Variants in ITGA9 observed in about 807,000 individuals in gnomAD.
ITGA9 encodes integrin alpha-9.
ITGA9 carries 56 observed loss-of-function variants against 127.8 expected under a neutral mutation model. That is an observed-to-expected ratio of 0.44 (90% confidence interval 0.35 to 0.55). ITGA9 has a LOEUF of 0.55. Among genes scored for constraint, ITGA9 ranks in the 20% least tolerant of loss-of-function variants. The pLI is 0.00. For synonymous variants in ITGA9, 508 were observed against 514.5 expected, an observed-to-expected ratio of 0.99 and a Z score of 0.17; for missense variants, 1,196 against 1,347.1, an observed-to-expected ratio of 0.89 and a Z score of 1.76.
At chr3:37,732,090 G>A (rs1231182186) in intron 18 of ITGA9, among the ~76,000 whole-genome samples, 1 of 152,164 alleles carries the variant, frequency 6.6e-6, no homozygotes, top group Non-Finnish European at 1.5e-5. Flanking sequence ...TGGAAGCCAT[G>A]TGCCCAGGTG....
intron 15 of ITGA9, among the ~76,000 whole-genome samples, chr3:37,627,486 G>C (rs115657359): frequency 0.04 from 6,122 of 152,290 alleles, 165 homozygotes; most frequent in Non-Finnish European, 0.06. Flanking sequence ...AGAAACACAA[G>C]CTTCTGTGGC....
intron 15 of ITGA9, among the ~76,000 whole-genome samples, chr3:37,555,825 CAGA>C (rs988325541): frequency 3.0e-4 from 45 of 152,296 alleles, no homozygotes; most frequent in Admixed American, 1.9e-3. Context: ...GGAAACAGAA[CAGA>C]AGAAGGTTGG....
intron 17 of ITGA9, among the ~76,000 whole-genome samples, chr3:37,661,253 G>A (rs1575184073): frequency 6.6e-6 from 1 of 152,336 alleles, no homozygotes; most frequent in East Asian, 1.9e-4. Flanking sequence ...TCAGACATGA[G>A]ATCTGGAGAC....
intron 4 of ITGA9, among the ~76,000 whole-genome samples, chr3:37,494,154 G>A (rs534309901): frequency 1.3e-5 from 2 of 152,172 alleles, no homozygotes; most frequent in African/African-American, 4.8e-5. Context: ...CACGTTTTCA[G>A]CTCCTTGGGC....
chr3:37,463,475 T>G (rs981508051), intron 1 of ITGA9, among the ~76,000 whole-genome samples: 4 of 152,178 alleles, frequency 2.6e-5, no homozygotes, highest in Admixed American at 1.3e-4. Context: ...GCTCCATATG[T>G]ATTTCATCCT....
chr3:37,744,158 G>A, intron 22 of ITGA9, 124 bp downstream of exon 22: 1 of 746,840 alleles, frequency 1.3e-6, no homozygotes, highest in South Asian at 1.4e-5. Context: ...GGTGTGGTGT[G>A]TGTGTGAGAT....
At chr3:37,790,216 G>T in intron 26 of ITGA9, 2 of 562,154 alleles carry the variant, frequency 3.6e-6, no homozygotes, top group South Asian at 2.8e-5. Context: ...CTGCGCGGAA[G>T]ACACAAGATC....
intron 18 of ITGA9, among the ~76,000 whole-genome samples, chr3:37,696,315 G>C (rs979027568): frequency 2.3e-4 from 35 of 152,204 alleles, no homozygotes; most frequent in Admixed American, 6.5e-4. Flanking sequence ...AGCAGAACTG[G>C]GGAAGGACTG....
intron 17 of ITGA9, among the ~76,000 whole-genome samples, chr3:37,672,424 G>A (rs2226455): frequency 6.6e-6 from 1 of 152,168 alleles, no homozygotes; most frequent in Admixed American, 6.5e-5. Context: ...ACGTGACTTT[G>A]CTTCTCATTC....
At chr3:37,793,535 C>G (rs761313612) in intron 26 of ITGA9, among the ~76,000 whole-genome samples, 2 of 151,774 alleles carry the variant, frequency 1.3e-5, no homozygotes, top group Non-Finnish European at 2.9e-5. Flanking sequence ...GAGTGACCCC[C>G]GAACAAGTAT....
intron 15 of ITGA9, among the ~76,000 whole-genome samples, chr3:37,554,255 G>A (rs1027613482): frequency 1.3e-5 from 2 of 152,106 alleles, no homozygotes; most frequent in Admixed American, 6.5e-5. Flanking sequence ...CCTCACTGAC[G>A]AGGTGTGATT....
At chr3:37,461,140 A>G (rs930286105) in intron 1 of ITGA9, among the ~76,000 whole-genome samples, 1 of 152,158 alleles carries the variant, frequency 6.6e-6, no homozygotes, top group African/African-American at 2.4e-5. Flanking sequence ...TGGATGTTCC[A>G]GATTCAGCTG....
At chr3:37,766,181 G>T (rs1365106585) in intron 23 of ITGA9, among the ~76,000 whole-genome samples, 2 of 152,230 alleles carry the variant, frequency 1.3e-5, no homozygotes, top group East Asian at 3.9e-4. Flanking sequence ...GACTAATTGT[G>T]TATGCTTCGG....
At chr3:37,636,620 T>G (rs79485915) in intron 16 of ITGA9, among the ~76,000 whole-genome samples, 53,868 of 151,974 alleles carry the variant, frequency 0.35, 10,562 homozygotes, top group African/African-American at 0.53. Flanking sequence ...TTGCTGTGCA[T>G]AAGCTCTTTA....
chr3:37,542,395 C>A, intron 14 of ITGA9, 30 bp from the exon 15 acceptor site: 1 of 1,612,286 alleles, frequency 6.2e-7, no homozygotes, highest in South Asian at 1.1e-5. Context: ...TCGGTCCTTT[C>A]TGACATTTTG....
At chr3:37,762,218 C>T (rs1345318449) in intron 23 of ITGA9, among the ~76,000 whole-genome samples, 2 of 152,168 alleles carry the variant, frequency 1.3e-5, no homozygotes, top group African/African-American at 4.8e-5. Flanking sequence ...TCAAGGGGAA[C>T]CCTTGGTCTT....
intron 4 of ITGA9, among the ~76,000 whole-genome samples, chr3:37,489,778 A>G (rs1698649343): frequency 6.7e-6 from 1 of 148,634 alleles, no homozygotes; most frequent in Non-Finnish European, 1.5e-5. Context: ...TAGATTTGCC[A>G]CTCTGTTAGA....
intron 9 of ITGA9, among the ~76,000 whole-genome samples, chr3:37,515,689 T>G (rs1376231540): frequency 1.3e-5 from 2 of 152,180 alleles, no homozygotes; most frequent in Non-Finnish European, 2.9e-5. Flanking sequence ...TGAGCCGTGA[T>G]CATGCCACTG....
intron 15 of ITGA9, among the ~76,000 whole-genome samples, chr3:37,627,840 G>A (rs1343301863): frequency 6.6e-6 from 1 of 152,194 alleles, no homozygotes; most frequent in East Asian, 1.9e-4. Context: ...TATATGCTAA[G>A]TGACTAAAGC....
Sources: gnomAD v4.1 joint callset for allele counts (sites outside exome capture counted in the v4.1 genomes callset) on GRCh38, gnomAD v4.1.1 for gene constraint, MANE v1.5 for transcripts, NCBI Gene and HGNC (gene_info 2026-07-23, HGNC 2026-07-21) for gene names.